HTR4: variants seen among roughly 807,000 people sequenced by gnomAD.
The protein encoded by HTR4 is 5-hydroxytryptamine (serotonin) receptor 4, G protein-coupled.
In HTR4, 16 loss-of-function variants were observed where a neutral mutation model predicts 36.8. The observed-to-expected ratio is 0.43, with a 90% CI of 0.29 to 0.66. The LOEUF (loss-of-function observed/expected upper bound fraction) is 0.66. Ranked by LOEUF, HTR4 falls within the 30% of genes least tolerant of loss-of-function variation. The probability of loss-of-function intolerance (pLI) is 0.13; values close to 1 mark genes in which losing one functional copy is unlikely to be tolerated. For synonymous variants in HTR4, 189 were observed against 185.1 expected (o/e 1.02, Z -0.17); for missense variants, 438 against 490.9 (o/e 0.89, Z 1.02).
chr5:148,501,907 A>T (rs938483292), intron 6 of HTR4, among the ~76,000 whole-genome samples: 2 of 152,056 alleles, frequency 1.3e-5, no homozygotes, highest in Non-Finnish European at 2.9e-5. Context: ...AAAATACAAA[A>T]AAATTAGCCA....
chr5:148,481,245 T>A (rs1289691196), downstream of HTR4, among the ~76,000 whole-genome samples: 2 of 152,186 alleles, frequency 1.3e-5, no homozygotes, highest in Admixed American at 1.3e-4. Context: ...AGCCTAGTGA[T>A]GGCAGGGGAA....
chr5:148,513,664 ATCT>A (rs1169082496), intron 5 of HTR4, among the ~76,000 whole-genome samples: 1 of 152,202 alleles, frequency 6.6e-6, no homozygotes, highest in African/African-American at 2.4e-5. Context: ...TTCTATAAAA[ATCT>A]TCTAGGATTT....
At chr5:148,487,335 G>T (rs1207562218) in intron 6 of HTR4, among the ~76,000 whole-genome samples, 1 of 152,094 alleles carries the variant, frequency 6.6e-6, no homozygotes, top group Admixed American at 6.6e-5. Flanking sequence ...GTTATTAGCA[G>T]TTAATGAAAC....
intron 6 of HTR4, chr5:148,484,225 A>C (rs200515795): frequency 6.3e-7 from 1 of 1,593,806 alleles, no homozygotes; most frequent in East Asian, 2.3e-5. Flanking sequence ...AAGGTAAAAA[A>C]TGTTGAGCAA....
intron 2 of HTR4, among the ~76,000 whole-genome samples, chr5:148,611,925 CAAAG>C (rs1434831502): frequency 6.6e-6 from 1 of 151,882 alleles, no homozygotes; most frequent in African/African-American, 2.4e-5. Flanking sequence ...TCAAAAGAGA[CAAAG>C]AAGGCCATTA....
At chr5:148,629,483 G>A (rs1038995213) in intron 2 of HTR4, 1 of 152,174 alleles carries the variant, frequency 6.6e-6, no homozygotes, top group Non-Finnish European at 1.5e-5. Context: ...CCAGGGGGAA[G>A]CTTTGAGGCC....
At chr5:148,475,485 G>C (rs1299465359), downstream of HTR4, among the ~76,000 whole-genome samples, 1 of 152,164 alleles carries the variant, frequency 6.6e-6, no homozygotes, top group Non-Finnish European at 1.5e-5. Context: ...GGCATATTAG[G>C]AGTGTCATAA....
At chr5:148,542,892 G>A (rs1323816640) in intron 4 of HTR4, among the ~76,000 whole-genome samples, 1 of 152,108 alleles carries the variant, frequency 6.6e-6, no homozygotes, top group Non-Finnish European at 1.5e-5. Context: ...CTTCTTGTCT[G>A]CCTAACACCC....
At chr5:148,649,986 G>A (rs1191301322) in intron 1 of HTR4, among the ~76,000 whole-genome samples, 1 of 151,700 alleles carries the variant, frequency 6.6e-6, no homozygotes, top group Non-Finnish European at 1.5e-5. Flanking sequence ...TCTCAACCTA[G>A]GTGAATCAGA....
chr5:148,638,220 G>A (rs1206765696), intron 1 of HTR4, among the ~76,000 whole-genome samples: 1 of 152,206 alleles, frequency 6.6e-6, no homozygotes, highest in Admixed American at 6.5e-5. Flanking sequence ...AAACTTAACA[G>A]GAGCTCCCAT....
At chr5:148,459,924 G>A (rs1351260638) in intron 5 of HTR4, among the ~76,000 whole-genome samples, 3 of 152,134 alleles carry the variant, frequency 2.0e-5, no homozygotes, top group Non-Finnish European at 2.9e-5. Flanking sequence ...GAACAGATGA[G>A]TAACGTAAGC....
At chr5:148,540,777 C>A (rs1759083082) in intron 4 of HTR4, among the ~76,000 whole-genome samples, 1 of 151,856 alleles carries the variant, frequency 6.6e-6, no homozygotes, top group African/African-American at 2.4e-5. Flanking sequence ...AGCAGAGGTG[C>A]AAGTGAAGCC....
intron 2 of HTR4, among the ~76,000 whole-genome samples, chr5:148,581,684 C>A (rs2127246204): frequency 6.6e-6 from 1 of 152,108 alleles, no homozygotes; most frequent in African/African-American, 2.4e-5. Context: ...CTATTCTGTT[C>A]CATTGATCTA....
intron 6 of HTR4, among the ~76,000 whole-genome samples, chr5:148,496,828 G>A (rs79991112): frequency 3.5e-4 from 54 of 152,338 alleles, no homozygotes; most frequent in African/African-American, 1.2e-3. Flanking sequence ...GATGTTCACC[G>A]TACTGTAATA....
At chr5:148,539,360 C>A (rs556275417) in intron 4 of HTR4, among the ~76,000 whole-genome samples, 1 of 152,204 alleles carries the variant, frequency 6.6e-6, no homozygotes, top group South Asian at 2.1e-4. Context: ...ACAACAAAAG[C>A]AAAAATTAAC....
At chr5:148,532,172 C>G (rs1252597757) in intron 4 of HTR4, among the ~76,000 whole-genome samples, 3 of 152,110 alleles carry the variant, frequency 2.0e-5, no homozygotes, top group African/African-American at 7.2e-5. Flanking sequence ...TCTGGTGCAT[C>G]CTATATGGAC....
chr5:148,475,545 G>T (rs746789279), downstream of HTR4, among the ~76,000 whole-genome samples: 5 of 152,172 alleles, frequency 3.3e-5, no homozygotes, highest in Non-Finnish European at 5.9e-5. Context: ...TGCAGATTAT[G>T]TTTCTTCTGT....
intron 6 of HTR4, among the ~76,000 whole-genome samples, chr5:148,487,573 G>A (rs900974144): frequency 3.3e-5 from 5 of 152,176 alleles, no homozygotes; most frequent in African/African-American, 1.2e-4. Flanking sequence ...GGGCAGGAGT[G>A]AGCCAGAGAG....
chr5:148,608,911 C>A (rs1404606616), intron 2 of HTR4, among the ~76,000 whole-genome samples: 1 of 152,146 alleles, frequency 6.6e-6, no homozygotes, highest in Non-Finnish European at 1.5e-5. Context: ...CTTGCCTGAT[C>A]TTCGGCCATC....
Sources: gnomAD v4.1 joint callset for allele counts (sites outside exome capture counted in the v4.1 genomes callset) on GRCh38, gnomAD v4.1.1 for gene constraint, MANE v1.5 for transcripts, NCBI Gene and HGNC (gene_info 2026-07-23, HGNC 2026-07-21) for gene names.